TRAP1: variants seen among roughly 807,000 people sequenced by gnomAD.
TRAP1 encodes heat shock protein 75 kDa, mitochondrial.
A neutral mutation model predicts 89.1 loss-of-function variants in TRAP1; 102 were observed. That is an observed-to-expected ratio of 1.15 (90% CI 0.98 to 1.35). TRAP1 has a LOEUF of 1.35. Among genes scored for constraint, TRAP1 ranks in the 40% most tolerant of loss-of-function variants. The probability of loss-of-function intolerance (pLI) is 0.00; values close to 1 mark genes in which losing one functional copy is unlikely to be tolerated. For synonymous variants in TRAP1, 508 were observed against 388.0 expected, an observed-to-expected ratio of 1.31 and a Z score of -3.64; for missense variants, 1,256 against 945.3, an observed-to-expected ratio of 1.33 and a Z score of -4.31.
intron 3 of TRAP1, chr16:3,687,137 G>C (rs1422437266): frequency 6.6e-6 from 1 of 152,154 alleles, no homozygotes; most frequent in East Asian, 1.9e-4. Flanking sequence ...TTGTGGGAAG[G>C]ACCTGGTGGG....
chr16:3,664,115 C>G (rs2050764831), intron 13 of TRAP1, 159 bp downstream of exon 13: 4 of 733,864 alleles, frequency 5.5e-6, no homozygotes, highest in Admixed American at 7.3e-5. Flanking sequence ...AAGTGGGAAA[C>G]AGCCGTCACA....
Position 3,688,960 on chromosome 16 carries a change from T to G in TRAP1, c.330+95A>C, listed in dbSNP as rs2072380. ...CCAAAGTTTAATGCTTTCTCACAGC[T>G]AATATATTATCTGGCAATTCTCCAG... is the stretch of plus-strand genomic sequence containing the variant. On this transcript the variant is annotated intron_variant, in intron 3 of 17. Transcript: ENST00000246957. The G allele has an allele frequency of 0.25, 281,693 of 1,136,812 alleles. 36,355 individuals carry two copies. The highest frequency in any genetic ancestry group is 0.39 in the East Asian group (16,089 of 41,186). The allele number at this position is 1,136,812 out of a possible 1,614,324, so 70.4% of individuals were successfully genotyped here. A position where few individuals can be genotyped will look rare whatever the true frequency, so the allele number is the denominator to read the frequency against.
Position 3,681,858 on chromosome 16 carries a change from C to T in TRAP1, c.472-2068G>A, listed in dbSNP as rs993181036. 1.3e-4 allele frequency among the ~76,000 whole-genome samples: 20 copies of T among 152,080 alleles called. 1 individual carries two copies. The South Asian group carries it at 2.9e-3, about 22-fold the overall frequency. On this transcript the variant is annotated intron_variant, in intron 4 of 17. Coordinates refer to ENST00000246957, the MANE Select transcript of TRAP1 (RefSeq NM_016292.3). ...ACAGGTTTTGTAGAAAATGACAAGCCGATTCTAAAATGTATATGGAAATAC... is the reference window on the plus strand; with the variant it reads ...ACAGGTTTTGTAGAAAATGACAAGCTGATTCTAAAATGTATATGGAAATAC...
Position 3,658,114 on chromosome 16 carries a change from C to G in TRAP1, c.*15G>C. The G allele has an allele frequency of 6.2e-7, 1 of 1,613,600 alleles. No individual in the cohort carries two copies. Among genetic ancestry groups the G allele is most frequent in the Non-Finnish European group, 8.5e-7 (1 of 1,179,590 alleles). On this transcript the variant is annotated 3_prime_UTR_variant, in exon 18 of 18. Transcript: ENST00000246957. ...GCTGTCATCTGTGGTGTCAGTCCTT[C>G]TGGCCCCCTGGCTGTCAGTGTCGCT...
intron 1 of TRAP1, among the ~76,000 whole-genome samples, chr16:3,710,879 A>ATTTTTT (rs1181110685): frequency 5.1e-4 from 64 of 125,794 alleles, no homozygotes; most frequent in African/African-American, 2.0e-3. Flanking sequence ...ATATATATAT[A>ATTTTTT]TTTTTTTTTT....
chr16:3,689,965 A>G (rs1480511214), intron 2 of TRAP1, among the ~76,000 whole-genome samples: 1 of 152,108 alleles, frequency 6.6e-6, no homozygotes, highest in African/African-American at 2.4e-5. Context: ...CCCAATGTGC[A>G]TGGTTACGAG....
At chr16:3,691,798 C>T (rs1268906547) in intron 1 of TRAP1, among the ~76,000 whole-genome samples, 1 of 152,134 alleles carries the variant, frequency 6.6e-6, no homozygotes, top group East Asian at 1.9e-4. Flanking sequence ...AATTTGTGTA[C>T]TTTAAAAACT....
intron 2 of TRAP1, 105 bp from the exon 3 acceptor site, chr16:3,689,242 CTTT>C (rs34759526): frequency 0.013 from 5,369 of 420,316 alleles, no homozygotes; most frequent in South Asian, 0.019. Flanking sequence ...GAGTTTTAAA[CTTT>C]TTTTTTTTTT....
At chr16:3,691,773 A>G (rs2051217516) in intron 1 of TRAP1, among the ~76,000 whole-genome samples, 1 of 152,170 alleles carries the variant, frequency 6.6e-6, no homozygotes, top group South Asian at 2.1e-4. Flanking sequence ...CATCCAAAAC[A>G]GATTTTTTAA....
chr16:3,683,885 A>C (rs904830962), intron 4 of TRAP1, among the ~76,000 whole-genome samples: 3 of 151,794 alleles, frequency 2.0e-5, no homozygotes. Context: ...AAATGGTGAG[A>C]CTAGGCGCGG....
chr16:3,712,827 G>C (rs962270859), intron 1 of TRAP1, among the ~76,000 whole-genome samples: 7 of 152,190 alleles, frequency 4.6e-5, no homozygotes, highest in Non-Finnish European at 1.0e-4. Flanking sequence ...TGTTGGCCAG[G>C]TTGGTCTCAA....
intron 1 of TRAP1, among the ~76,000 whole-genome samples, chr16:3,712,451 C>G (rs1461641477): frequency 6.6e-6 from 1 of 151,948 alleles, no homozygotes; most frequent in African/African-American, 2.4e-5. Context: ...CCACAGTTTT[C>G]TTATCAACCT....
chr16:3,680,234 C>CA (rs894617965), intron 4 of TRAP1: 2,541 of 116,116 alleles, frequency 0.022, 66 homozygotes, highest in African/African-American at 0.071. Flanking sequence ...GACTCCATCT[C>CA]AAAAAAAAAA....
At chr16:3,700,469 TTTTGTTTG>T in intron 1 of TRAP1, among the ~76,000 whole-genome samples, 1 of 149,146 alleles carries the variant, frequency 6.7e-6, no homozygotes, top group Middle Eastern at 4.0e-3. Flanking sequence ...GCCCAGACTT[TTTTGTTTG>T]TTTGTTTGAG....
intron 1 of TRAP1, among the ~76,000 whole-genome samples, chr16:3,695,984 A>T (rs540037767): frequency 2.0e-5 from 3 of 152,322 alleles, no homozygotes; most frequent in Admixed American, 6.5e-5. Flanking sequence ...TGGATGCAGA[A>T]ATCAATACCG....
At chr16:3,668,341 T>C (rs1434813944) in intron 11 of TRAP1, among the ~76,000 whole-genome samples, 1 of 152,196 alleles carries the variant, frequency 6.6e-6, no homozygotes, top group Admixed American at 6.6e-5. Flanking sequence ...ATTACAGGCG[T>C]GAGCCACCGC....
intron 3 of TRAP1, among the ~76,000 whole-genome samples, chr16:3,688,060 A>C (rs1567236445): frequency 6.6e-6 from 1 of 152,158 alleles, no homozygotes; most frequent in Non-Finnish European, 1.5e-5. Flanking sequence ...CTGCTGCTTT[A>C]CAAACTTTCT....
At chr16:3,671,470 C>A (rs898208911) in intron 11 of TRAP1, among the ~76,000 whole-genome samples, 2 of 152,206 alleles carry the variant, frequency 1.3e-5, no homozygotes, top group African/African-American at 4.8e-5. Flanking sequence ...GCAGGTCTGG[C>A]TCTGCGGCCC....
chr16:3,701,334 C>T (rs1360087659), intron 1 of TRAP1, among the ~76,000 whole-genome samples: 1 of 152,028 alleles, frequency 6.6e-6, no homozygotes, highest in Non-Finnish European at 1.5e-5. Context: ...AAAACAATTC[C>T]ACAATCACAG....
Sources: gnomAD v4.1 joint callset for allele counts (sites outside exome capture counted in the v4.1 genomes callset) on GRCh38, gnomAD v4.1.1 for gene constraint, MANE v1.5 for transcripts, NCBI Gene and HGNC (gene_info 2026-07-23, HGNC 2026-07-21) for gene names.